Variants in RUNDC3B observed in about 807,000 individuals in gnomAD.
RUNDC3B encodes the protein RUN domain-containing protein 3B.
RUNDC3B carries 33 observed loss-of-function variants against 58.4 expected under a neutral mutation model. The ratio of observed to expected loss-of-function variants is 0.56; its 90% CI spans 0.43 to 0.75. The LOEUF is 0.75. Among genes scored for constraint, RUNDC3B ranks in the 30% least tolerant of loss-of-function variants. The pLI is 0.00. For missense variants in RUNDC3B, 501 were observed against 535.7 expected, an observed-to-expected ratio of 0.94 and a Z score of 0.64; for synonymous variants, 193 against 195.2, an observed-to-expected ratio of 0.99 and a Z score of 0.10.
At chr7:87,807,259 A>G in intron 8 of RUNDC3B, 114 bp from the exon 9 acceptor site, 1 of 915,360 alleles carries the variant, frequency 1.1e-6, no homozygotes, top group Non-Finnish European at 1.7e-6. Flanking sequence ...TTCACAATCT[A>G]TTAACAAACC....
intron 1 of RUNDC3B, among the ~76,000 whole-genome samples, chr7:87,641,967 T>C (rs1426639455): frequency 6.6e-6 from 1 of 152,096 alleles, no homozygotes; most frequent in African/African-American, 2.4e-5. Context: ...AAAATTTTCA[T>C]AAATCAATCA....
intron 2 of RUNDC3B, among the ~76,000 whole-genome samples, chr7:87,651,174 A>G (rs1049663391): frequency 6.6e-6 from 1 of 152,186 alleles, no homozygotes; most frequent in Admixed American, 6.5e-5. Context: ...GTGACTTTCC[A>G]TAAGTAATTA....
At chr7:87,631,167 A>G (rs1821174264) in intron 1 of RUNDC3B, among the ~76,000 whole-genome samples, 1 of 152,192 alleles carries the variant, frequency 6.6e-6, no homozygotes, top group African/African-American at 2.4e-5. Context: ...GTGCATGTAA[A>G]TTATCCATGT....
chr7:87,636,121 A>G (rs1821741662), intron 1 of RUNDC3B, among the ~76,000 whole-genome samples: 1 of 152,202 alleles, frequency 6.6e-6, no homozygotes, highest in African/African-American at 2.4e-5. Context: ...GATGAGTCAT[A>G]TGGCATGCAG....
chr7:87,766,192 T>A (rs775245953), intron 6 of RUNDC3B, among the ~76,000 whole-genome samples: 3 of 152,126 alleles, frequency 2.0e-5, no homozygotes, highest in Non-Finnish European at 2.9e-5. Flanking sequence ...TATTTACCTG[T>A]TAGGTGGGTC....
intron 10 of RUNDC3B, among the ~76,000 whole-genome samples, chr7:87,817,156 A>G (rs541947435): frequency 6.6e-6 from 1 of 152,280 alleles, no homozygotes; most frequent in South Asian, 2.1e-4. Flanking sequence ...CACTATAGCC[A>G]TTATCCTAGA....
At chr7:87,745,952 C>G (rs1243009925) in intron 6 of RUNDC3B, among the ~76,000 whole-genome samples, 1 of 152,016 alleles carries the variant, frequency 6.6e-6, no homozygotes, top group Non-Finnish European at 1.5e-5. Context: ...CATGAACTTT[C>G]CTTTTAGCAC....
intron 3 of RUNDC3B, among the ~76,000 whole-genome samples, chr7:87,703,885 C>CTTTTTTTTTTTTTTTTTTTTTTT: frequency 2.5e-4 from 15 of 60,260 alleles, no homozygotes; most frequent in Admixed American, 4.9e-4. Flanking sequence ...TCAGTTTTTT[C>CTTTTTTTTTTTTTTTTTTTTTTT]TTTTTTTTTT....
At chr7:87,720,008 A>G (rs1012294724) in intron 4 of RUNDC3B, among the ~76,000 whole-genome samples, 5 of 144,124 alleles carry the variant, frequency 3.5e-5, no homozygotes, top group African/African-American at 1.3e-4. Context: ...AAAAAAAAAG[A>G]GAAAGAAAAA....
intron 5 of RUNDC3B, among the ~76,000 whole-genome samples, chr7:87,740,576 G>A (rs1832260283): frequency 6.6e-6 from 1 of 152,078 alleles, no homozygotes; most frequent in African/African-American, 2.4e-5. Context: ...TATAACATTT[G>A]AAAATTCAGG....
At chr7:87,645,081 CTT>C (rs551936794) in intron 1 of RUNDC3B, among the ~76,000 whole-genome samples, 21 of 128,042 alleles carry the variant, frequency 1.6e-4, no homozygotes, top group Non-Finnish European at 1.7e-4. Flanking sequence ...TGCTTTCTTT[CTT>C]TTTTTTTTTT....
chr7:87,761,528 G>A (rs922072027), intron 6 of RUNDC3B, among the ~76,000 whole-genome samples: 2 of 151,832 alleles, frequency 1.3e-5, no homozygotes, highest in African/African-American at 2.4e-5. Flanking sequence ...ACTTTTACAT[G>A]AATGTTCATT....
intron 1 of RUNDC3B, among the ~76,000 whole-genome samples, chr7:87,636,476 G>A (rs759583888): frequency 2.0e-5 from 3 of 152,042 alleles, no homozygotes; most frequent in Non-Finnish European, 4.4e-5. Context: ...GGAATCTTTT[G>A]TTGGATACAT....
intron 8 of RUNDC3B, among the ~76,000 whole-genome samples, chr7:87,795,651 G>A (rs1835775134): frequency 6.6e-6 from 1 of 151,710 alleles, no homozygotes; most frequent in South Asian, 2.1e-4. Context: ...TCCAAGGCAA[G>A]TGGATCACCT....
intron 9 of RUNDC3B, among the ~76,000 whole-genome samples, chr7:87,812,561 A>G (rs1021628160): frequency 3.9e-5 from 6 of 152,214 alleles, no homozygotes; most frequent in African/African-American, 1.4e-4. Context: ...GTGAACCAAG[A>G]TCGTGCCATT....
intron 2 of RUNDC3B, among the ~76,000 whole-genome samples, chr7:87,676,270 G>A (rs1383279771): frequency 6.6e-6 from 1 of 151,934 alleles, no homozygotes; most frequent in Non-Finnish European, 1.5e-5. Flanking sequence ...CAAAGCAAAG[G>A]AAACAATCCA....
intron 3 of RUNDC3B, among the ~76,000 whole-genome samples, chr7:87,702,220 T>A (rs947265155): frequency 5.3e-5 from 8 of 151,504 alleles, no homozygotes; most frequent in Non-Finnish European, 1.0e-4. Context: ...ATAGTTATTT[T>A]TCATAAAAAT....
chr7:87,791,758 A>G (rs1835531773), intron 8 of RUNDC3B, among the ~76,000 whole-genome samples: 1 of 152,066 alleles, frequency 6.6e-6, no homozygotes, highest in Non-Finnish European at 1.5e-5. Context: ...CCATAACACC[A>G]GAGAAAATCA....
intron 2 of RUNDC3B, among the ~76,000 whole-genome samples, chr7:87,686,882 G>A (rs1827515789): frequency 6.6e-6 from 1 of 150,976 alleles, no homozygotes; most frequent in Admixed American, 6.6e-5. Flanking sequence ...GGAGACCAAG[G>A]CTGCAGTGAG....
Sources: gnomAD v4.1 joint callset for allele counts (sites outside exome capture counted in the v4.1 genomes callset) on GRCh38, gnomAD v4.1.1 for gene constraint, MANE v1.5 for transcripts, NCBI Gene and HGNC (gene_info 2026-07-23, HGNC 2026-07-21) for gene names.